Variants in MEF2C observed in about 807,000 individuals in gnomAD.
The protein encoded by MEF2C is myocyte enhancer factor 2C.
Under a neutral mutation model 50.5 loss-of-function variants are expected in MEF2C, and 6 were observed. That is an observed-to-expected ratio of 0.12 (90% CI 0.07 to 0.23). The LOEUF (loss-of-function observed/expected upper bound fraction) is 0.23, where lower values mean the gene tolerates loss of function less well. MEF2C is among the 10% of genes least tolerant of loss of function. The pLI is 1.00. For missense variants in MEF2C, 276 were observed against 605.0 expected (o/e 0.46, Z 5.70); for synonymous variants, 183 against 228.0 (o/e 0.80, Z 1.78).
At chr5:88,850,407 T>C (rs1820901807) in intron 1 of MEF2C, among the ~76,000 whole-genome samples, 1 of 152,182 alleles carries the variant, frequency 6.6e-6, no homozygotes, top group African/African-American at 2.4e-5. Flanking sequence ...ATCTAGGGTT[T>C]GAAGTTACAG....
intron 6 of MEF2C, among the ~76,000 whole-genome samples, chr5:88,747,532 G>T (rs1346639090): frequency 4.9e-5 from 3 of 61,766 alleles, no homozygotes; most frequent in African/African-American, 1.3e-4. Flanking sequence ...TGTATTTTTA[G>T]TAGAGACGGG....
At chr5:88,853,636 C>G (rs2153395467) in intron 1 of MEF2C, among the ~76,000 whole-genome samples, 1 of 152,216 alleles carries the variant, frequency 6.6e-6, no homozygotes, top group East Asian at 1.9e-4. Flanking sequence ...TTTTCTTATT[C>G]CCATCATCAT....
At position 88,717,589 on chromosome 5, in the gene MEF2C, T is replaced by C. The variant is rs1755113922; in HGVS notation, c.*5015A>G. 1.3e-5 allele frequency: 2 copies of C among 152,260 alleles called. No individual in the cohort carries two copies. The highest frequency in any genetic ancestry group is 1.3e-4 in the Admixed American group (2 of 15,288). The allele number at this position is 152,260 out of a possible 1,614,324, so 9.4% of individuals were successfully genotyped here. On this transcript the variant is annotated 3_prime_UTR_variant, in exon 11 of 11. Coordinates refer to ENST00000504921, the MANE Select transcript of MEF2C (RefSeq NM_002397.5). The stretch of plus-strand genomic sequence containing the variant: ...AGCCACATGCAACATTTCCTCGAAC[T>C]GCATTCTTTTTGGAGCAGATATCAC...
At chr5:88,818,852 C>T (rs1806870545) in intron 2 of MEF2C, among the ~76,000 whole-genome samples, 1 of 151,906 alleles carries the variant, frequency 6.6e-6, no homozygotes, top group South Asian at 2.1e-4. Flanking sequence ...TTGTGCTACA[C>T]AGTACAAGAG....
chr5:88,857,339 T>C (rs1823806666), intron 1 of MEF2C, among the ~76,000 whole-genome samples: 1 of 152,166 alleles, frequency 6.6e-6, no homozygotes, highest in South Asian at 2.1e-4. Context: ...TTTTGATAGG[T>C]GGAACTAACT....
rs550137805 is a variant in MEF2C, at chr5:88,783,553, C to G, written c.258+21045G>C. Among the ~76,000 whole-genome samples the G allele has an allele frequency of 7.2e-5, 11 of 152,212 alleles. No homozygotes were observed. In the East Asian group the frequency reaches 2.1e-3, roughly 29 times the overall value. On this transcript the variant is annotated intron_variant, in intron 3 of 10. Transcript: ENST00000504921. ...GAGGCTGAGGAAGAATTGCTTGAACCCGGGAGGTGGAGGTTGCGGTGAGCT... is the reference window on the plus strand; with the variant it reads ...GAGGCTGAGGAAGAATTGCTTGAACGCGGGAGGTGGAGGTTGCGGTGAGCT...
At chr5:88,842,679 T>C (rs137963274) in intron 1 of MEF2C, among the ~76,000 whole-genome samples, 395 of 152,258 alleles carry the variant, frequency 2.6e-3, no homozygotes, top group African/African-American at 8.6e-3. Flanking sequence ...ATTAAGTATG[T>C]TGAAAAAATT....
chr5:88,880,589 T>C (rs1489062704), intron 1 of MEF2C, among the ~76,000 whole-genome samples: 1 of 152,176 alleles, frequency 6.6e-6, no homozygotes, highest in Non-Finnish European at 1.5e-5. Flanking sequence ...ATAAAAGAAG[T>C]TTAAATAAAG....
At chr5:88,890,349 A>G (rs1429794248) in intron 1 of MEF2C, among the ~76,000 whole-genome samples, 1 of 152,224 alleles carries the variant, frequency 6.6e-6, no homozygotes, top group East Asian at 1.9e-4. Flanking sequence ...CTAAATGCAG[A>G]TATCTGTGCT....
chr5:88,768,100 G>C (rs1221489593), intron 3 of MEF2C, among the ~76,000 whole-genome samples: 1 of 152,182 alleles, frequency 6.6e-6, no homozygotes, highest in Admixed American at 6.5e-5. Flanking sequence ...CGCTCAGGCT[G>C]AATCAGTTTC....
rs890527572 is a variant in MEF2C at position 88,720,729 on chromosome 5, C to T, written c.*1875G>A. On this transcript the variant is annotated 3_prime_UTR_variant, in exon 11 of 11. Coordinates refer to ENST00000504921, the MANE Select transcript of MEF2C (RefSeq NM_002397.5). Reference sequence around the variant, plus strand: ...AATATATATTGACTTTCTTATGGCACTCACTTATTAAAGGGTCTGAAAATT... The same window carrying T: ...AATATATATTGACTTTCTTATGGCATTCACTTATTAAAGGGTCTGAAAATT... 1 of 152,448 alleles carries T rather than the reference C, an allele frequency of 6.6e-6. No homozygotes were observed. The highest frequency in any genetic ancestry group is 2.1e-4 in the South Asian group (1 of 4,820). 9.4% of individuals were successfully genotyped at this position (152,448 alleles called of 1,614,324 possible).
chr5:88,873,058 C>T (rs1452494235), intron 1 of MEF2C, among the ~76,000 whole-genome samples: 1 of 151,644 alleles, frequency 6.6e-6, no homozygotes, highest in Non-Finnish European at 1.5e-5. Context: ...TACACACATA[C>T]ACACACACAC....
chr5:88,849,303 C>CT (rs2153375800), intron 1 of MEF2C, among the ~76,000 whole-genome samples: 1 of 152,200 alleles, frequency 6.6e-6, no homozygotes, highest in South Asian at 2.1e-4. Context: ...ATTCACATAT[C>CT]TAAGAGCCAG....
At chr5:88,814,966 C>T (rs1315362699) in intron 2 of MEF2C, among the ~76,000 whole-genome samples, 1 of 152,050 alleles carries the variant, frequency 6.6e-6, no homozygotes, top group African/African-American at 2.4e-5. Context: ...AAGACTAACA[C>T]AGCAGGCTTC....
chr5:88,782,724 T>C lies in MEF2C; in HGVS notation c.259-21396A>G, dbSNP rs995709087. ...CACACATATACATACTTACAAAACG[T>C]AAAATATTTTGGCACTTCCACTTTT... On this transcript the variant is annotated intron_variant, in intron 3 of 10. Coordinates refer to ENST00000504921, the MANE Select transcript of MEF2C (RefSeq NM_002397.5). Among the ~76,000 whole-genome samples the C allele has an allele frequency of 3.3e-5, 5 of 152,202 alleles. 1 individual carries two copies. The highest frequency in any genetic ancestry group is 4.1e-4 in the South Asian group (2 of 4,832).
At chr5:88,765,163 A>G (rs903847121) in intron 3 of MEF2C, among the ~76,000 whole-genome samples, 3 of 152,234 alleles carry the variant, frequency 2.0e-5, no homozygotes, top group Non-Finnish European at 4.4e-5. Context: ...ACCCGAATCT[A>G]AGTAATGATT....
chr5:88,734,723 A>C (rs1013140069), intron 6 of MEF2C: 1 of 983,506 alleles, frequency 1.0e-6, no homozygotes, highest in Non-Finnish European at 1.2e-6. Context: ...GTAGCTTTTC[A>C]TTCAGTAAAT....
intron 1 of MEF2C, among the ~76,000 whole-genome samples, chr5:88,849,150 CAAAAAA>C (rs11295110): frequency 2.2e-5 from 2 of 92,298 alleles, no homozygotes; most frequent in African/African-American, 3.8e-5. Context: ...GACTTTGTCT[CAAAAAA>C]AAAAAAAAAA....
At chr5:88,847,207 GCAGT>G (rs1819651574) in intron 1 of MEF2C, among the ~76,000 whole-genome samples, 1 of 152,132 alleles carries the variant, frequency 6.6e-6, no homozygotes, top group Non-Finnish European at 1.5e-5. Context: ...CTAGAGAGTA[GCAGT>G]CATATTTATG....
Sources: gnomAD v4.1 joint callset for allele counts (sites outside exome capture counted in the v4.1 genomes callset) on GRCh38, gnomAD v4.1.1 for gene constraint, MANE v1.5 for transcripts, NCBI Gene and HGNC (gene_info 2026-07-23, HGNC 2026-07-21) for gene names.